Variants in CYB561 observed in about 807,000 individuals in gnomAD.
The protein encoded by CYB561 is transmembrane ascorbate-dependent reductase CYB561.
A neutral mutation model predicts 25.3 loss-of-function variants in CYB561; 11 were observed. The ratio of observed to expected loss-of-function variants is 0.44; its 90% confidence interval spans 0.27 to 0.72. CYB561 has a LOEUF of 0.72. Among genes scored for constraint, CYB561 ranks in the 30% least tolerant of loss-of-function variants. The pLI is 0.18. For synonymous variants in CYB561, 165 were observed against 158.8 expected (o/e 1.04, Z -0.29); for missense variants, 295 against 334.9 (o/e 0.88, Z 0.93).
chr17:63,436,012 G>C lies in CYB561; in HGVS notation c.301+42C>G, dbSNP rs1568022771. 2.5e-6 allele frequency: 4 copies of C among 1,613,566 alleles called. No individual in the cohort carries two copies. The highest frequency in any genetic ancestry group is 3.4e-6 in the Non-Finnish European group (4 of 1,179,856). On this transcript the variant is annotated intron_variant, in intron 3 of 5. Transcript: ENST00000360793. This position sits in a 1 kb window ranked among gnomAD's most constrained non-coding sequence, Gnocchi z 4.8. ...GAAGCGGCTGTTTGCCATACCTGAA[G>C]AGGCAGGCAGGTGGCGGGGAAGGCC...
intron 1 of CYB561, among the ~76,000 whole-genome samples, chr17:63,444,346 C>T (rs531395343): frequency 6.6e-6 from 1 of 152,356 alleles, no homozygotes; most frequent in African/African-American, 2.4e-5. Flanking sequence ...CAAGCCAAGT[C>T]CCTTCTCCAA....
chr17:63,438,339 G>C lies in CYB561; in HGVS notation c.-13-779C>G, dbSNP rs1599119233. On this transcript the variant is annotated intron_variant, in intron 1 of 5. Coordinates refer to ENST00000360793, the MANE Select transcript of CYB561 (RefSeq NM_001915.4). ...ACCTTTTCTCCAGACGCGTCATGAA[G>C]TACATCTCGGGAGAAATGGGAAGTC... is the stretch of plus-strand genomic sequence containing the variant. 10 of 783,406 alleles carry C rather than the reference G, an allele frequency of 1.3e-5. No individual in the cohort carries two copies. In the East Asian group the frequency reaches 2.8e-4, roughly 22 times the overall value. 48.5% of individuals were successfully genotyped at this position (783,406 alleles called of 1,614,324 possible).
At chr17:63,444,501 G>A (rs982969003) in intron 1 of CYB561, among the ~76,000 whole-genome samples, 8 of 152,160 alleles carry the variant, frequency 5.3e-5, no homozygotes, top group Non-Finnish European at 5.9e-5. Context: ...TTACAAAAAC[G>A]AAATCTGGTC....
chr17:63,446,356 G>A (rs1432748419), upstream of CYB561: 4 of 151,960 alleles, frequency 2.6e-5, no homozygotes, highest in African/African-American at 9.7e-5. Context: ...GGCGGGCTGG[G>A]CGGTGTCTCC....
At chr17:63,438,568 T>C (rs2049341868) in intron 1 of CYB561, among the ~76,000 whole-genome samples, 1 of 149,816 alleles carries the variant, frequency 6.7e-6, no homozygotes, top group East Asian at 2.0e-4. Context: ...GCACTTCCCC[T>C]CCACACCAGG....
At chr17:63,445,523 G>C (rs1160538354) in intron 1 of CYB561, among the ~76,000 whole-genome samples, 1 of 149,348 alleles carries the variant, frequency 6.7e-6, no homozygotes, top group African/African-American at 2.5e-5. Flanking sequence ...GAAAGGAGAA[G>C]TCTGGGAAGG....
intron 1 of CYB561, chr17:63,438,362 G>T: frequency 1.5e-6 from 1 of 670,696 alleles, no homozygotes; most frequent in Non-Finnish European, 2.5e-6. Flanking sequence ...GAAATGGGAA[G>T]TCTCCCTCCC....
Position 63,434,313 on chromosome 17 carries a change from G to A in CYB561, c.*89C>T. ...ACCCACGCGCCCGCCTGCTGCCAGAGCCACTCTCCGGAGCCTGCAGTCCTG... is the reference window on the plus strand; with the variant it reads ...ACCCACGCGCCCGCCTGCTGCCAGAACCACTCTCCGGAGCCTGCAGTCCTG... On this transcript the variant is annotated 3_prime_UTR_variant, in exon 6 of 6. Coordinates refer to ENST00000360793, the MANE Select transcript of CYB561 (RefSeq NM_001915.4). 8.0e-7 allele frequency: 1 copy of A among 1,248,418 alleles called. No individual in the cohort carries two copies. The highest frequency in any genetic ancestry group is 1.5e-5 in the South Asian group (1 of 65,544). 77.3% of individuals were successfully genotyped at this position (1,248,418 alleles called of 1,614,324 possible). A position where few individuals can be genotyped will look rare whatever the true frequency, so the allele number is the denominator to read the frequency against.
chr17:63,440,195 G>C (rs1229483160), intron 1 of CYB561: 2 of 398,454 alleles, frequency 5.0e-6, no homozygotes, highest in Non-Finnish European at 8.8e-6. Flanking sequence ...TCTCTACCTG[G>C]ACATCCCACA....
chr17:63,437,877 G>A lies in CYB561; in HGVS notation c.-13-317C>T, dbSNP rs575581623. On this transcript the variant is annotated intron_variant, in intron 1 of 5. Transcript: ENST00000360793. ...AGATGCACACAGCACCCCCAGATGC[G>A]AGCAGCCCCCCTGAGATGCGCATGT... 729 of 504,754 alleles carry A rather than the reference G, an allele frequency of 1.4e-3. 3 individuals are homozygous for A. Among genetic ancestry groups the A allele is most frequent in the South Asian group, 2.4e-3 (107 of 44,974 alleles). 31.3% of individuals were successfully genotyped at this position (504,754 alleles called of 1,614,324 possible).
chr17:63,442,682 G>C (rs766069208), intron 1 of CYB561: 14 of 152,240 alleles, frequency 9.2e-5, no homozygotes, highest in African/African-American at 3.1e-4. Flanking sequence ...GCCTTCCTCT[G>C]TGACAGCTCA....
chr17:63,442,196 G>A lies in CYB561; in HGVS notation c.-14+4049C>T, dbSNP rs115306362. On this transcript the variant is annotated intron_variant, in intron 1 of 5. Transcript: ENST00000360793. ...CCGTAGGTTCTGAGCGTGGCTCTGTGCTTTACAGGAGATAAGCGGAAGATC... is the reference window on the plus strand; with the variant it reads ...CCGTAGGTTCTGAGCGTGGCTCTGTACTTTACAGGAGATAAGCGGAAGATC... 1.1e-3 allele frequency among the ~76,000 whole-genome samples: 164 copies of A among 152,326 alleles called. 1 individual carries two copies. The highest frequency in any genetic ancestry group is 3.9e-3 in the African/African-American group (164 of 41,582).
At chr17:63,437,293 C>T in intron 2 of CYB561, 53 bp downstream of exon 2, 7 of 1,456,632 alleles carry the variant, frequency 4.8e-6, no homozygotes, top group South Asian at 1.2e-5. Flanking sequence ...TGCAAACTGC[C>T]TCTCAGGGAC....
chr17:63,441,030 G>A (rs1207896522), intron 1 of CYB561, among the ~76,000 whole-genome samples: 1 of 152,228 alleles, frequency 6.6e-6, no homozygotes, highest in Non-Finnish European at 1.5e-5. Flanking sequence ...ACAAAGGGCA[G>A]GAGAGGCCCG....
chr17:63,442,124 G>A (rs1051294693), intron 1 of CYB561, among the ~76,000 whole-genome samples: 35 of 152,176 alleles, frequency 2.3e-4, no homozygotes, highest in African/African-American at 6.0e-4. Context: ...AAATCTAAGT[G>A]TAAGGATGAA....
Position 63,436,043 on chromosome 17 carries a change from C to G in CYB561, c.301+11G>C. The G allele has an allele frequency of 3.1e-6, 5 of 1,614,024 alleles. No individual in the cohort carries two copies. Among genetic ancestry groups the G allele is most frequent in the Non-Finnish European group, 4.2e-6 (5 of 1,179,970 alleles). ...GGCAGGTGGCGGGGAAGGCCGCGCCCGGGAACTCACCAACCAGGGCGATGA... is the reference window on the plus strand; with the variant it reads ...GGCAGGTGGCGGGGAAGGCCGCGCCGGGGAACTCACCAACCAGGGCGATGA... On this transcript the variant is annotated intron_variant, in intron 3 of 5. Coordinates refer to ENST00000360793, the MANE Select transcript of CYB561 (RefSeq NM_001915.4). This position sits in a 1 kb window ranked among gnomAD's most constrained non-coding sequence, Gnocchi z 4.8.
chr17:63,434,688 T>C, intron 5 of CYB561, 94 bp from the exon 6 acceptor site: 1 of 1,134,664 alleles, frequency 8.8e-7, no homozygotes, highest in Non-Finnish European at 1.2e-6. Context: ...CCATGGGGAT[T>C]CCAGCACCAG....
Position 63,437,430 on chromosome 17 carries a change from C to G in CYB561, c.118G>C (p.Gly40Arg). ...AGGTCGCTCTCCCAGGCAATGCCGC[C>G]TCGGTACAGCCCGAGCCACGCGCCG... is the stretch of plus-strand genomic sequence containing the variant. ...MTGAWLGLYRGGIAWESDLQF... is the reference protein window; with the variant it reads ...MTGAWLGLYRRGIAWESDLQF... Residue 40 changes from glycine (G) to arginine (R), a missense_variant, in exon 2 of 6, where the codon GGC becomes CGC. By Grantham distance (125) the Gly-to-Arg change is moderately radical (BLOSUM62 -2). Coordinates refer to ENST00000360793, the MANE Select transcript of CYB561 (RefSeq NM_001915.4). 1 of 1,614,072 alleles carries G rather than the reference C, an allele frequency of 6.2e-7. No individual in the cohort carries two copies.
intron 1 of CYB561, chr17:63,438,334 A>C (rs1371309063): frequency 6.2e-6 from 5 of 811,266 alleles, no homozygotes; most frequent in Non-Finnish European, 9.7e-6. Flanking sequence ...CAGACGCGTC[A>C]TGAAGTACAT....
Sources: allele counts gnomAD v4.1 joint callset (sites outside exome capture counted in the v4.1 genomes callset), GRCh38; gene constraint gnomAD v4.1.1; non-coding constraint Gnocchi (gnomAD v3.1); transcripts MANE v1.5; gene names NCBI Gene and HGNC (gene_info 2026-07-23, HGNC 2026-07-21).